ELOVL7: variants seen among roughly 807,000 people sequenced by gnomAD.
ELOVL7 encodes the protein ELOVL fatty acid elongase 7.
A neutral mutation model predicts 35.7 loss-of-function variants in ELOVL7; 27 were observed. The observed-to-expected ratio is 0.76, with a 90% CI of 0.56 to 1.04. The LOEUF is 1.04. ELOVL7 is among the 50% of genes least tolerant of loss of function. ELOVL7 has a pLI of 0.00. For missense variants in ELOVL7, 327 were observed against 340.8 expected, an observed-to-expected ratio of 0.96 and a Z score of 0.32; for synonymous variants, 113 against 114.6, an observed-to-expected ratio of 0.99 and a Z score of 0.09.
At chr5:60,789,313 A>T (rs1468002474) in intron 2 of ELOVL7, among the ~76,000 whole-genome samples, 1 of 152,258 alleles carries the variant, frequency 6.6e-6, no homozygotes, top group South Asian at 2.1e-4. Context: ...AAATGGGCAA[A>T]GTTCACAGAA....
At chr5:60,842,241 T>C (rs1747216006) in intron 1 of ELOVL7, among the ~76,000 whole-genome samples, 2 of 151,436 alleles carry the variant, frequency 1.3e-5, no homozygotes, top group Admixed American at 1.3e-4. Flanking sequence ...CATGTAAAAA[T>C]TGGATAGAAG....
chr5:60,833,504 T>C (rs557593895), intron 1 of ELOVL7, among the ~76,000 whole-genome samples: 39 of 152,246 alleles, frequency 2.6e-4, no homozygotes, highest in Non-Finnish European at 4.4e-4. Context: ...TTTTCTTGTC[T>C]CACTTCCCCA....
intron 3 of ELOVL7, among the ~76,000 whole-genome samples, chr5:60,781,877 T>G (rs1207235389): frequency 6.6e-6 from 1 of 152,232 alleles, no homozygotes; most frequent in Non-Finnish European, 1.5e-5. Context: ...TTAAAAGGCA[T>G]GTATTTCATA....
At chr5:60,839,553 G>A (rs1002688826) in intron 1 of ELOVL7, among the ~76,000 whole-genome samples, 1 of 152,214 alleles carries the variant, frequency 6.6e-6, no homozygotes, top group Non-Finnish European at 1.5e-5. Flanking sequence ...AAAACTGGAT[G>A]AGTCACTGAA....
intron 1 of ELOVL7, among the ~76,000 whole-genome samples, chr5:60,808,887 T>C (rs1327901288): frequency 6.6e-6 from 1 of 152,170 alleles, no homozygotes; most frequent in Non-Finnish European, 1.5e-5. Context: ...TACTATAAAA[T>C]TCATCTATGA....
intron 1 of ELOVL7, among the ~76,000 whole-genome samples, chr5:60,802,818 G>C (rs1049736832): frequency 3.9e-5 from 6 of 152,176 alleles, no homozygotes; most frequent in African/African-American, 1.4e-4. Context: ...CAATGTTACA[G>C]AATCAGGGAA....
chr5:60,835,475 A>G (rs1449067876), intron 1 of ELOVL7, among the ~76,000 whole-genome samples: 3 of 151,946 alleles, frequency 2.0e-5, no homozygotes, highest in Non-Finnish European at 4.4e-5. Flanking sequence ...ACAGTGGTGC[A>G]ATCACAGCTC....
intron 1 of ELOVL7, among the ~76,000 whole-genome samples, chr5:60,819,205 A>T (rs1476937043): frequency 6.6e-6 from 1 of 151,164 alleles, no homozygotes; most frequent in Non-Finnish European, 1.5e-5. Context: ...TTATCTTTGT[A>T]TCTCACTTTC....
chr5:60,791,220 G>T (rs920696325), intron 2 of ELOVL7, among the ~76,000 whole-genome samples: 2 of 151,914 alleles, frequency 1.3e-5, no homozygotes, highest in African/African-American at 2.4e-5. Context: ...CAAGCAGTCC[G>T]CCTGCCTCAG....
intron 4 of ELOVL7, among the ~76,000 whole-genome samples, chr5:60,769,663 C>A (rs1340173854): frequency 6.6e-6 from 1 of 152,184 alleles, no homozygotes; most frequent in East Asian, 1.9e-4. Context: ...GTGTGGCTAT[C>A]AAAAGCCTTT....
intron 1 of ELOVL7, among the ~76,000 whole-genome samples, chr5:60,809,152 T>A (rs1164799984): frequency 6.6e-6 from 1 of 152,222 alleles, no homozygotes; most frequent in Non-Finnish European, 1.5e-5. Context: ...ACAACTCTAT[T>A]TTAAAATGTT....
At chr5:60,809,977 ATTC>A (rs1745152146) in intron 1 of ELOVL7, among the ~76,000 whole-genome samples, 1 of 152,200 alleles carries the variant, frequency 6.6e-6, no homozygotes, top group African/African-American at 2.4e-5. Context: ...AGGTTCCTGA[ATTC>A]TTCTTTTTTT....
intron 8 of ELOVL7, among the ~76,000 whole-genome samples, chr5:60,755,342 C>T (rs1389838916): frequency 6.6e-6 from 1 of 152,166 alleles, no homozygotes; most frequent in East Asian, 1.9e-4. Context: ...ATACCTGCCA[C>T]TTGTCCTCCA....
chr5:60,798,673 A>T (rs989271512), intron 2 of ELOVL7, among the ~76,000 whole-genome samples: 13 of 152,230 alleles, frequency 8.5e-5, no homozygotes, highest in African/African-American at 2.9e-4. Flanking sequence ...AATTATAAAT[A>T]CATATGTACC....
At chr5:60,808,889 C>A (rs750706566) in intron 1 of ELOVL7, among the ~76,000 whole-genome samples, 11 of 152,114 alleles carry the variant, frequency 7.2e-5, no homozygotes, top group Non-Finnish European at 1.6e-4. Context: ...CTATAAAATT[C>A]ATCTATGAAA....
chr5:60,784,348 T>A (rs562679032), intron 3 of ELOVL7: 4 of 432,446 alleles, frequency 9.2e-6, no homozygotes, highest in Non-Finnish European at 1.3e-5. Flanking sequence ...TCATTTCTAA[T>A]CAAACGCAAG....
chr5:60,781,506 A>G (rs1743253915), intron 3 of ELOVL7, among the ~76,000 whole-genome samples: 1 of 152,202 alleles, frequency 6.6e-6, no homozygotes, highest in African/African-American at 2.4e-5. Flanking sequence ...TGGTAGCAGT[A>G]GAAAGAAAAC....
intron 3 of ELOVL7, among the ~76,000 whole-genome samples, chr5:60,775,508 C>G (rs1401841286): frequency 1.3e-5 from 2 of 152,062 alleles, no homozygotes. Flanking sequence ...CAAAAATGAG[C>G]CCAAATAGCC....
At chr5:60,830,632 T>C (rs1746430166) in intron 1 of ELOVL7, among the ~76,000 whole-genome samples, 1 of 150,618 alleles carries the variant, frequency 6.6e-6, no homozygotes, top group African/African-American at 2.4e-5. Flanking sequence ...TTTGGTAGTA[T>C]GACTATTCAT....
Sources: gnomAD v4.1 joint callset for allele counts (sites outside exome capture counted in the v4.1 genomes callset) on GRCh38, gnomAD v4.1.1 for gene constraint, MANE v1.5 for transcripts, NCBI Gene and HGNC (gene_info 2026-07-23, HGNC 2026-07-21) for gene names.